Variants in MFNG observed in about 807,000 individuals in gnomAD.
MFNG encodes the protein beta-1,3-N-acetylglucosaminyltransferase manic fringe.
MFNG carries 24 observed loss-of-function variants against 34.2 expected under a neutral mutation model. The observed-to-expected ratio is 0.70, with a 90% confidence interval of 0.51 to 0.99. The LOEUF is 0.99. Among genes scored for constraint, MFNG ranks in the 50% least tolerant of loss-of-function variants. The pLI, the probability that MFNG is intolerant of heterozygous loss-of-function variation, is 0.00. For missense variants in MFNG, 383 were observed against 424.0 expected (o/e 0.90, Z 0.85); for synonymous variants, 158 against 179.2 (o/e 0.88, Z 0.94).
rs891241000 is a variant in MFNG at position 37,485,842 on chromosome 22, G to A, written c.255+81C>T. 4 of 1,487,384 alleles carry A rather than the reference G, an allele frequency of 2.7e-6. No individual in the cohort carries two copies. The highest frequency in any genetic ancestry group is 3.6e-6 in the Non-Finnish European group (4 of 1,107,876). The allele number at this position is 1,487,384 out of a possible 1,614,324, so 92.1% of individuals were successfully genotyped here. A position where few individuals can be genotyped will look rare whatever the true frequency, so the allele number is the denominator to read the frequency against. ...CAGCTTCTCCCATGAGGCAGTCAGG[G>A]ACCCCAGCCCAGTAGAAAGGCCTCT... On this transcript the variant is annotated intron_variant, in intron 1 of 7. Coordinates refer to ENST00000356998, the MANE Select transcript of MFNG (RefSeq NM_002405.4). The surrounding 1 kb of genome is among the most constrained non-coding windows in gnomAD (Gnocchi z 5.3).
At chr22:37,478,955 A>G (rs1922162396) in intron 4 of MFNG, among the ~76,000 whole-genome samples, 1 of 152,186 alleles carries the variant, frequency 6.6e-6, no homozygotes, top group Non-Finnish European at 1.5e-5. Context: ...CTGGGATTAC[A>G]GGCATGAGCC....
Position 37,486,371 on chromosome 22 carries a change from GTCC to G in MFNG, c.-197_-195del. 2 of 493,632 alleles carry G rather than the reference GTCC, an allele frequency of 4.1e-6. No homozygotes were observed. Among genetic ancestry groups the G allele is most frequent in the Non-Finnish European group, 6.5e-6 (2 of 306,616 alleles). 30.6% of individuals were successfully genotyped at this position (493,632 alleles called of 1,614,324 possible). A position where few individuals can be genotyped will look rare whatever the true frequency, so the allele number is the denominator to read the frequency against. ...GGCAGCACGATCTCGACCGCCGCCAGTCCTCCACCTGCTCCCGCTGTCCGGCCT... is the reference window on the plus strand; with the variant it reads ...GGCAGCACGATCTCGACCGCCGCCAGTCCACCTGCTCCCGCTGTCCGGCCT... On this transcript the variant is annotated 5_prime_UTR_variant, in exon 1 of 8. Coordinates refer to ENST00000356998, the MANE Select transcript of MFNG (RefSeq NM_002405.4).
At chr22:37,478,373 A>T (rs2145732864) in intron 4 of MFNG, among the ~76,000 whole-genome samples, 1 of 152,298 alleles carries the variant, frequency 6.6e-6, no homozygotes, top group African/African-American at 2.4e-5. Context: ...CAGGGAGAGA[A>T]CCATGCAATA....
intron 4 of MFNG, among the ~76,000 whole-genome samples, 193 bp from the exon 5 acceptor site, chr22:37,477,174 T>C (rs764984735): frequency 1.3e-5 from 2 of 152,324 alleles, no homozygotes; most frequent in Non-Finnish European, 2.9e-5. Flanking sequence ...CGAAGTCACA[T>C]AGTTAATTAT....
chr22:37,472,395 G>C (rs771424962), intron 7 of MFNG, 48 bp downstream of exon 7: 2 of 1,419,258 alleles, frequency 1.4e-6, no homozygotes, highest in Admixed American at 2.3e-5. Flanking sequence ...TGGATGCCTG[G>C]ACTCAGCCCC....
chr22:37,477,275 T>C (rs1416293702), intron 4 of MFNG, among the ~76,000 whole-genome samples: 3 of 151,966 alleles, frequency 2.0e-5, no homozygotes, highest in Non-Finnish European at 4.4e-5. Flanking sequence ...ACCATGCCCC[T>C]TTCCCCTGAG....
Position 37,474,722 on chromosome 22 carries a change from C to A in MFNG, c.648-45G>T, listed in dbSNP as rs772937769. 7.2e-6 allele frequency: 11 copies of A among 1,536,336 alleles called. No individual in the cohort carries two copies. The South Asian group carries it at 1.2e-4, about 16-fold the overall frequency. The stretch of plus-strand genomic sequence containing the variant: ...TGCAGACGCTGGCCCAGGCCCTCCA[C>A]ACCCAGAGCCGTGGGCCACCCCATG... On this transcript the variant is annotated intron_variant, in intron 5 of 7. Coordinates refer to ENST00000356998, the MANE Select transcript of MFNG (RefSeq NM_002405.4).
In MFNG at chr22:37,475,853, T is replaced by C. The variant is rs73884054; in HGVS notation, c.647+1043A>G. On this transcript the variant is annotated intron_variant, in intron 5 of 7. Transcript: ENST00000356998. The stretch of plus-strand genomic sequence containing the variant: ...CCAGGCACACGGATGACCCTGGTCA[T>C]GTGTACACACACAGTTCTGTGGACA... 6.7e-3 allele frequency among the ~76,000 whole-genome samples: 1,014 copies of C among 152,332 alleles called. 14 individuals are homozygous for C. Among genetic ancestry groups the C allele is most frequent in the African/African-American group, 0.023 (942 of 41,570 alleles).
Position 37,485,789 on chromosome 22 carries a change from G to A in MFNG, c.255+134C>T. The A allele has an allele frequency of 8.9e-7, 1 of 1,120,162 alleles. No homozygotes were observed. The highest frequency in any genetic ancestry group is 1.2e-6 in the Non-Finnish European group (1 of 801,054). 69.4% of individuals were successfully genotyped at this position (1,120,162 alleles called of 1,614,324 possible). ...AAAGCCCGGAAGAAGGAGAGAGGAA[G>A]AGGATCCCTGATTAGGCAGGTATTG... On this transcript the variant is annotated intron_variant, in intron 1 of 7. Transcript: ENST00000356998. The surrounding 1 kb of genome is among the most constrained non-coding windows in gnomAD (Gnocchi z 5.3).
intron 3 of MFNG, 60 bp from the exon 4 acceptor site, chr22:37,479,558 A>G (rs1922196851): frequency 1.9e-6 from 3 of 1,597,696 alleles, no homozygotes; most frequent in East Asian, 2.3e-5. Flanking sequence ...AGGGTCCCCA[A>G]GCACCCCCAC....
At chr22:37,472,652 T>G in intron 6 of MFNG, 124 bp from the exon 7 acceptor site, 1 of 907,714 alleles carries the variant, frequency 1.1e-6, no homozygotes, top group African/African-American at 1.8e-5. Context: ...AACCTGAAAT[T>G]CCCCGCTGGT....
chr22:37,478,183 T>C (rs530102806), intron 4 of MFNG, among the ~76,000 whole-genome samples: 12 of 152,140 alleles, frequency 7.9e-5, no homozygotes, highest in Non-Finnish European at 1.6e-4. Flanking sequence ...TTTCTGCTCT[T>C]GGTTTTCCTA....
At position 37,474,608 on chromosome 22, in the gene MFNG, A is replaced by C; in HGVS notation, c.717T>G (p.Ile239Met). The C allele has an allele frequency of 6.2e-7, 1 of 1,614,056 alleles. No homozygotes were observed. The highest frequency in any genetic ancestry group is 1.3e-5 in the African/African-American group (1 of 75,052). ...GCAGGCGGCCGCCCAGCTTGCACTC[A>C]ATGATATAGCCCATGGTGCAGTCAT... ...LPDDCTMGYIIECKLGGRLQP... is the reference protein window; with the variant it reads ...LPDDCTMGYIMECKLGGRLQP... Residue 239 changes from isoleucine to methionine, a missense_variant, in exon 6 of 8, where the codon ATT (isoleucine) becomes ATG (methionine). By Grantham distance (10) the Ile-to-Met change is conservative (BLOSUM62 1). Coordinates refer to ENST00000356998, the MANE Select transcript of MFNG (RefSeq NM_002405.4).
intron 1 of MFNG, 80 bp from the exon 2 acceptor site, chr22:37,480,849 G>T: frequency 1.6e-6 from 2 of 1,251,036 alleles, no homozygotes; most frequent in Admixed American, 3.9e-5. Flanking sequence ...CCACCACCAG[G>T]CCCCAGATGG....
In MFNG at chr22:37,483,874, G is replaced by A. The variant is rs1241019861; in HGVS notation, c.255+2049C>T. Among the ~76,000 whole-genome samples the A allele has an allele frequency of 2.0e-5, 3 of 152,258 alleles. No individual in the cohort carries two copies. Among genetic ancestry groups the A allele is most frequent in the Non-Finnish European group, 4.4e-5 (3 of 68,046 alleles). On this transcript the variant is annotated intron_variant, in intron 1 of 7. Coordinates refer to ENST00000356998, the MANE Select transcript of MFNG (RefSeq NM_002405.4). This position sits in a 1 kb window ranked among gnomAD's most constrained non-coding sequence, Gnocchi z 4.5. ...GGGGGCGGGGGCACAGGAGAGGGCA[G>A]TGAGGCTGGCGCTTTCAGTCCCTGG...
rs543529693 is a variant in MFNG at position 37,469,198 on chromosome 22, T to C, written c.*765A>G. ...GATCCAGCCATCACACCCACATTTA[T>C]AGCAGGAAGATGGGGAGTGGGCTGC... is the stretch of plus-strand genomic sequence containing the variant. On this transcript the variant is annotated 3_prime_UTR_variant, in exon 8 of 8. Coordinates refer to ENST00000356998, the MANE Select transcript of MFNG (RefSeq NM_002405.4). The C allele has an allele frequency of 6.5e-6, 1 of 153,442 alleles. No homozygotes were observed. The highest frequency in any genetic ancestry group is 6.5e-5 in the Admixed American group (1 of 15,380). The allele number at this position is 153,442 out of a possible 1,614,324, so 9.5% of individuals were successfully genotyped here. A position where few individuals can be genotyped will look rare whatever the true frequency, so the allele number is the denominator to read the frequency against.
Position 37,485,183 on chromosome 22 carries a change from G to GCACA in MFNG, c.255+736_255+739dup, listed in dbSNP as rs112395451. Among the ~76,000 whole-genome samples the GCACA allele has an allele frequency of 0.066, 9,934 of 149,952 alleles. 489 individuals carry two copies. The highest frequency in any genetic ancestry group is 0.25 in the East Asian group (1,274 of 5,052). On this transcript the variant is annotated intron_variant, in intron 1 of 7. Coordinates refer to ENST00000356998, the MANE Select transcript of MFNG (RefSeq NM_002405.4). This position sits in a 1 kb window ranked among gnomAD's most constrained non-coding sequence, Gnocchi z 5.3. ...GCACACTCCAGCTCCGTGCGTGTGA[G>GCACA]CACACACACACACACACACACAATC...
rs1346464189 is a variant in MFNG at position 37,483,728 on chromosome 22, G to A, written c.255+2195C>T. 2.0e-5 allele frequency among the ~76,000 whole-genome samples: 3 copies of A among 152,030 alleles called. No homozygotes were observed. Among genetic ancestry groups the A allele is most frequent in the Admixed American group, 6.6e-5 (1 of 15,256 alleles). ...GCGGAGGTTGCAGTGAGCCAGGATC[G>A]TGCCACTGCACTCCAGCCTGGAAAA... is the stretch of plus-strand genomic sequence containing the variant. On this transcript the variant is annotated intron_variant, in intron 1 of 7. Coordinates refer to ENST00000356998, the MANE Select transcript of MFNG (RefSeq NM_002405.4). The surrounding 1 kb of genome is among the most constrained non-coding windows in gnomAD (Gnocchi z 4.5).
chr22:37,478,813 G>A (rs961586225), intron 4 of MFNG, among the ~76,000 whole-genome samples: 2 of 152,108 alleles, frequency 1.3e-5, no homozygotes, highest in Non-Finnish European at 2.9e-5. Context: ...CGAGTAGCTG[G>A]GACTACAGGT....
Sources: gnomAD v4.1 joint callset for allele counts (sites outside exome capture counted in the v4.1 genomes callset) on GRCh38, gnomAD v4.1.1 for gene constraint, Gnocchi (gnomAD v3.1) non-coding constraint, MANE v1.5 for transcripts, NCBI Gene and HGNC (gene_info 2026-07-23, HGNC 2026-07-21) for gene names.